The following SIRT7 variants were observed in gnomAD, a reference collection of about 807,000 sequenced individuals.
SIRT7 encodes sirtuin 7, also known as NAD-dependent protein deacetylase sirtuin-7.
A neutral mutation model predicts 42.8 loss-of-function variants in SIRT7; 32 were observed. The observed-to-expected ratio is 0.75, with a 90% confidence interval of 0.56 to 1.00. The LOEUF (loss-of-function observed/expected upper bound fraction) is 1.00, where lower values mean the gene tolerates loss of function less well. Among genes scored for constraint, SIRT7 ranks in the 50% least tolerant of loss-of-function variants. The pLI is 0.00. For missense variants in SIRT7, 553 were observed against 572.2 expected, an observed-to-expected ratio of 0.97 and a Z score of 0.34; for synonymous variants, 297 against 245.2, an observed-to-expected ratio of 1.21 and a Z score of -1.97.
rs781471662 is a variant in SIRT7, at chr17:81,912,577, G to T, written c.1042C>A (p.Arg348Ser). Residue 348 changes from arginine (R) to serine (S), a missense_variant, in exon 10 of 10, where the codon CGT (arginine) becomes AGT (serine). Coordinates refer to ENST00000328666, the MANE Select transcript of SIRT7 (RefSeq NM_016538.3). ...DPIFSLATPL[R>S]AGEEGSHSRK... ...CTGTGGCTGCCTTCTTCACCAGCACGCAGGGGAGTCGCCAGTGAGAAAATG... is the reference window on the plus strand; with the variant it reads ...CTGTGGCTGCCTTCTTCACCAGCACTCAGGGGAGTCGCCAGTGAGAAAATG... 1.4e-5 allele frequency: 23 copies of T among 1,613,488 alleles called. No homozygotes were observed. Among genetic ancestry groups the T allele is most frequent in the Non-Finnish European group, 1.9e-5 (22 of 1,180,012 alleles).
intron 3 of SIRT7, 78 bp downstream of exon 3, chr17:81,917,537 G>A (rs1598344358): frequency 1.6e-6 from 2 of 1,280,294 alleles, no homozygotes; most frequent in African/African-American, 1.5e-5. Context: ...AAACCTTAGA[G>A]CTGCTTTAAA....
rs193212813 is a variant in SIRT7, at chr17:81,914,111, C to T, written c.873G>A (p.Pro291=). The change falls in exon 8 of 10, where the codon CCG becomes CCA. Residue 291 remains proline (P), a synonymous_variant. Transcript: ENST00000328666. ...CCTGCAGGTTCACGATGTAAAGCTT[C>T]GGCCGCCGGCTAGGGGGCTTGGTCA... is the stretch of plus-strand genomic sequence containing the variant. ...WCMTKPPSRR[P]KLYIVNLQWT... 167 of 1,613,534 alleles carry T rather than the reference C, an allele frequency of 1.0e-4. No individual in the cohort carries two copies. In the East Asian group the frequency reaches 3.1e-3, roughly 30 times the overall value.
intron 9 of SIRT7, 65 bp from the exon 10 acceptor site, chr17:81,912,679 C>G: frequency 6.6e-7 from 1 of 1,524,154 alleles, no homozygotes; most frequent in East Asian, 2.4e-5. Flanking sequence ...CCTGCCCCAG[C>G]TCGGGAAAGC....
Position 81,912,398 on chromosome 17 carries a change from T to TG in SIRT7, c.*17_*18insC. On this transcript the variant is annotated 3_prime_UTR_variant, in exon 10 of 10. Coordinates refer to ENST00000328666, the MANE Select transcript of SIRT7 (RefSeq NM_016538.3). ...TGGCCATCTGCAAAGTGCCAACTGT[T>TG]CTTCATCGAGCACGTGATTACGTCA... The TG allele has an allele frequency of 6.2e-7, 1 of 1,614,014 alleles. No individual in the cohort carries two copies. Among genetic ancestry groups the TG allele is most frequent in the Non-Finnish European group, 8.5e-7 (1 of 1,179,950 alleles).
Position 81,912,311 on chromosome 17 carries a change from T to G in SIRT7, c.*105A>C, listed in dbSNP as rs943504855. 593 of 1,390,748 alleles carry G rather than the reference T, an allele frequency of 4.3e-4. 4 individuals carry two copies. The highest frequency in any genetic ancestry group is 1.2e-4 in the Non-Finnish European group (121 of 982,226). The allele number at this position is 1,390,748 out of a possible 1,614,324, so 86.2% of individuals were successfully genotyped here. A position where few individuals can be genotyped will look rare whatever the true frequency, so the allele number is the denominator to read the frequency against. ...GGCTAAAAATGTCACGGTGAAAATG[T>G]CATCCCCAAAGAGTTCGTTCTCCCT... On this transcript the variant is annotated 3_prime_UTR_variant, in exon 10 of 10. Transcript: ENST00000328666.
Position 81,914,617 on chromosome 17 carries a change from T to C in SIRT7, c.566A>G (p.Asn189Ser). ...PRTAISELHG[N>S]MYIEVCTSCV... is the part of the protein sequence containing the mutation. ...AGGACTGCTCACTTCAATGTACATG[T>C]TCCCGTGGAGCTCGGAGATGGCCGT... is the stretch of plus-strand genomic sequence containing the variant. The change falls in exon 6 of 10, where the codon AAC (asparagine) becomes AGC (serine). Residue 189 changes from asparagine to serine, a missense_variant. Asn to Ser is a conservative substitution (Grantham distance 46). Transcript: ENST00000328666. The C allele has an allele frequency of 6.2e-7, 1 of 1,613,128 alleles. No individual in the cohort carries two copies.
Position 81,911,963 on chromosome 17 carries a change from A to C in SIRT7, c.*453T>G. The C allele has an allele frequency of 5.5e-6, 1 of 181,474 alleles. No individual in the cohort carries two copies. Among genetic ancestry groups the C allele is most frequent in the Non-Finnish European group, 1.2e-5 (1 of 83,924 alleles). The allele number at this position is 181,474 out of a possible 1,614,324, so 11.2% of individuals were successfully genotyped here. On this transcript the variant is annotated 3_prime_UTR_variant, in exon 10 of 10. Transcript: ENST00000328666. ...AGCCAGTGCAGAAACGTTTAATAGA[A>C]ATAAAAAGGTCTGCATAGAGCCGAG...
At chr17:81,912,778 T>G (rs1273663889) in intron 9 of SIRT7, 164 bp from the exon 10 acceptor site, 5 of 744,142 alleles carry the variant, frequency 6.7e-6, no homozygotes, top group Admixed American at 2.1e-5. Context: ...GTTACCAAGC[T>G]GCAGAACGGA....
chr17:81,916,077 T>A (rs2040791498), intron 3 of SIRT7: 2 of 270,656 alleles, frequency 7.4e-6, no homozygotes, highest in South Asian at 8.1e-5. Context: ...AAATGGTGAA[T>A]CCCTAGGTGG....
chr17:81,915,429 A>C lies in SIRT7; in HGVS notation c.480+11T>G. On this transcript the variant is annotated intron_variant, in intron 5 of 9. Coordinates refer to ENST00000328666, the MANE Select transcript of SIRT7 (RefSeq NM_016538.3). ...TCCCTGGCAAGTGTACCAGCCACCC[A>C]GGGCTCTTACCAGCTTCTGCTCATG... is the stretch of plus-strand genomic sequence containing the variant. 1 of 1,611,458 alleles carries C rather than the reference A, an allele frequency of 6.2e-7. No individual in the cohort carries two copies. Among genetic ancestry groups the C allele is most frequent in the Non-Finnish European group, 8.5e-7 (1 of 1,178,896 alleles).
In SIRT7 at chr17:81,913,898, C is replaced by T. The variant is rs769336323; in HGVS notation, c.898-18G>A. The T allele has an allele frequency of 5.2e-6, 8 of 1,549,536 alleles. No homozygotes were observed. The Middle Eastern group carries it at 6.1e-4, about 118-fold the overall frequency. On this transcript the variant is annotated intron_variant, in intron 8 of 9. Coordinates refer to ENST00000328666, the MANE Select transcript of SIRT7 (RefSeq NM_016538.3). The surrounding 1 kb of genome is among the most constrained non-coding windows in gnomAD (Gnocchi z 5.0). ...GGGGTCCACTGAGGACAGGGAAAGC[C>T]GAGTGAGAGTAACAGCAGCCCAACC...
Position 81,912,060 on chromosome 17 carries a change from T to A in SIRT7, c.*356A>T, listed in dbSNP as rs148897839. The A allele has an allele frequency of 8.2e-6, 3 of 367,100 alleles. No individual in the cohort carries two copies. The highest frequency in any genetic ancestry group is 4.9e-5 in the South Asian group (2 of 40,786). 22.7% of individuals were successfully genotyped at this position (367,100 alleles called of 1,614,324 possible). A position where few individuals can be genotyped will look rare whatever the true frequency, so the allele number is the denominator to read the frequency against. ...ATAAAGTTCACACTTTTTCATTAAG[T>A]AGTAGTAGAAATACGGTGAGGCCCT... On this transcript the variant is annotated 3_prime_UTR_variant, in exon 10 of 10. Transcript: ENST00000328666.
Position 81,918,110 on chromosome 17 carries a change from G to C in SIRT7, c.22C>G (p.Arg8Gly). 2 of 1,552,072 alleles carry C rather than the reference G, an allele frequency of 1.3e-6. No homozygotes were observed. Among genetic ancestry groups the C allele is most frequent in the South Asian group, 1.2e-5 (1 of 86,162 alleles). Residue 8 changes from arginine to glycine, a missense_variant, in exon 1 of 10, where the codon CGC (arginine) becomes GGC (glycine). Transcript: ENST00000328666. Reference protein sequence around the residue: MAAGGLSRSERKAAERVR... With the variant: MAAGGLSGSERKAAERVR... ...CGCTCCGCCGCTTTGCGCTCGGAGC[G>C]GCTCAGACCCCCGGCTGCCATCGCT...
In SIRT7 at chr17:81,918,099, G is replaced by T. The variant is rs773152034; in HGVS notation, c.33C>A (p.Arg11=). Reference sequence around the variant, plus strand: ...ACCTCCGGACCCGCTCCGCCGCTTTGCGCTCGGAGCGGCTCAGACCCCCGG... The same window carrying T: ...ACCTCCGGACCCGCTCCGCCGCTTTTCGCTCGGAGCGGCTCAGACCCCCGG... The part of the protein sequence containing the change: MAAGGLSRSE[R]KAAERVRRLR... Residue 11 remains arginine (R), a synonymous_variant, in exon 1 of 10, where the codon CGC becomes CGA. Coordinates refer to ENST00000328666, the MANE Select transcript of SIRT7 (RefSeq NM_016538.3). The T allele has an allele frequency of 3.2e-5, 50 of 1,551,582 alleles. No individual in the cohort carries two copies. In the South Asian group the frequency reaches 5.6e-4, roughly 17 times the overall value.
rs1598338389 is a variant in SIRT7, at chr17:81,912,279, G to C, written c.*137C>G. On this transcript the variant is annotated 3_prime_UTR_variant, in exon 10 of 10. Transcript: ENST00000328666. Reference sequence around the variant, plus strand: ...CAGCAGTGCAAGGGGCTTCCTCAAGGACAAATGGCTAAAAATGTCACGGTG... The same window carrying C: ...CAGCAGTGCAAGGGGCTTCCTCAAGCACAAATGGCTAAAAATGTCACGGTG... The C allele has an allele frequency of 8.5e-7, 1 of 1,171,714 alleles. No individual in the cohort carries two copies. The highest frequency in any genetic ancestry group is 2.3e-5 in the East Asian group (1 of 42,682). 72.6% of individuals were successfully genotyped at this position (1,171,714 alleles called of 1,614,324 possible). A position where few individuals can be genotyped will look rare whatever the true frequency, so the allele number is the denominator to read the frequency against.
Position 81,913,898 on chromosome 17 carries a change from C to A in SIRT7, c.898-18G>T. The A allele has an allele frequency of 1.3e-6, 2 of 1,549,654 alleles. No individual in the cohort carries two copies. The highest frequency in any genetic ancestry group is 1.2e-5 in the South Asian group (1 of 84,336). On this transcript the variant is annotated intron_variant, in intron 8 of 9. Transcript: ENST00000328666. This position sits in a 1 kb window ranked among gnomAD's most constrained non-coding sequence, Gnocchi z 5.0. ...GGGGTCCACTGAGGACAGGGAAAGC[C>A]GAGTGAGAGTAACAGCAGCCCAACC... is the stretch of plus-strand genomic sequence containing the variant.
chr17:81,912,530 G>GCTT lies in SIRT7; in HGVS notation c.1086_1088dup (p.Arg362dup). ...GGTCCCCAGGCGGGGCCTCCTCTCTGCTTCTGCACAGCGACTTCCGACTGT... is the reference window on the plus strand; with the variant it reads ...GGTCCCCAGGCGGGGCCTCCTCTCTGCTTCTTCTGCACAGCGACTTCCGACTGT... On this transcript the variant is annotated inframe_insertion, in exon 10 of 10. Transcript: ENST00000328666. 1 of 1,613,822 alleles carries GCTT rather than the reference G, an allele frequency of 6.2e-7. No individual in the cohort carries two copies. Among genetic ancestry groups the GCTT allele is most frequent in the African/African-American group, 1.3e-5 (1 of 75,074 alleles).
Position 81,914,318 on chromosome 17 carries a change from G to A in SIRT7, c.792C>T (p.Ile264=), listed in dbSNP as rs771504257. The change falls in exon 7 of 10, where the codon ATC becomes ATT. Residue 264 remains isoleucine (I), a synonymous_variant. Transcript: ENST00000328666. ...ATEAASRADT[I]LCLGSSLKVL... ...CCTTCAGGCTGGACCCTAGACACAG[G>A]ATGGTGTCTGCTCTGCTGGCAGCCT... The A allele has an allele frequency of 6.2e-7, 1 of 1,613,148 alleles. No individual in the cohort carries two copies. Among genetic ancestry groups the A allele is most frequent in the Admixed American group, 1.7e-5 (1 of 60,024 alleles).
chr17:81,915,379 C>G (rs1180433255), intron 5 of SIRT7, 61 bp downstream of exon 5: 2 of 1,562,112 alleles, frequency 1.3e-6, no homozygotes, highest in Non-Finnish European at 1.7e-6. Context: ...TAGTTGCCCA[C>G]TGGGCACCAA....
Sources: allele counts gnomAD v4.1 joint callset, GRCh38; gene constraint gnomAD v4.1.1; non-coding constraint Gnocchi (gnomAD v3.1); transcripts MANE v1.5; gene names NCBI Gene and HGNC (gene_info 2026-07-23, HGNC 2026-07-21).